MBNL2: variants seen among roughly 807,000 people sequenced by gnomAD.
MBNL2 encodes muscleblind-like protein 2.
MBNL2 carries 17 observed loss-of-function variants against 41.9 expected under a neutral mutation model. That is an observed-to-expected ratio of 0.41 (90% CI 0.28 to 0.61). The LOEUF (loss-of-function observed/expected upper bound fraction) is 0.61, where lower values mean the gene tolerates loss of function less well. MBNL2 is among the 20% of genes least tolerant of loss of function. The pLI is 0.35. For missense variants in MBNL2, 336 were observed against 505.6 expected (o/e 0.66, Z 3.22); for synonymous variants, 195 against 182.9 (o/e 1.07, Z -0.53).
At chr13:97,162,293 C>G in the MBNL2 span, among the ~76,000 whole-genome samples, 1 of 151,954 alleles carries the variant, frequency 6.6e-6, no homozygotes, top group African/African-American at 2.4e-5. Flanking sequence ...CAACATCCAA[C>G]TAAGATCTAC....
intron 2 of MBNL2, among the ~76,000 whole-genome samples, chr13:97,289,705 C>G (rs1367332174): frequency 6.6e-6 from 1 of 152,188 alleles, no homozygotes; most frequent in African/African-American, 2.4e-5. Context: ...AGGCGAGGAC[C>G]TTGCTTTCGT....
At chr13:97,200,456 A>G in the MBNL2 span, among the ~76,000 whole-genome samples, 3 of 152,238 alleles carry the variant, frequency 2.0e-5, no homozygotes, top group East Asian at 5.8e-4. Context: ...GGAGAAACAT[A>G]GTTCCGGCTT....
intron 8 of MBNL2, among the ~76,000 whole-genome samples, chr13:97,376,739 C>T (rs1010634441): frequency 6.6e-6 from 1 of 152,108 alleles, no homozygotes; most frequent in African/African-American, 2.4e-5. Context: ...GACTTGAGAC[C>T]AGCATCAATT....
chr13:97,198,225 C>G, the MBNL2 span, among the ~76,000 whole-genome samples: 1 of 152,062 alleles, frequency 6.6e-6, no homozygotes, highest in East Asian at 1.9e-4. Context: ...GAGCAAAAGT[C>G]TCATCCTCCC....
In MBNL2 at chr13:97,393,363, T is replaced by C. The variant is rs1186518126; in HGVS notation, c.*1914T>C. On this transcript the variant is annotated 3_prime_UTR_variant, in exon 9 of 9. Transcript: ENST00000679496. Reference sequence around the variant, plus strand: ...ATTATGGGAATCACTGAAATATTTTTGTAGATTAATTGTTGTAACATTGTC... The same window carrying C: ...ATTATGGGAATCACTGAAATATTTTCGTAGATTAATTGTTGTAACATTGTC... The C allele has an allele frequency of 6.6e-6, 1 of 152,380 alleles. No homozygotes were observed. Among genetic ancestry groups the C allele is most frequent in the Non-Finnish European group, 1.5e-5 (1 of 67,950 alleles). The allele number at this position is 152,380 out of a possible 1,614,324, so 9.4% of individuals were successfully genotyped here. A position where few individuals can be genotyped will look rare whatever the true frequency, so the allele number is the denominator to read the frequency against.
At chr13:97,184,926 A>G in the MBNL2 span, among the ~76,000 whole-genome samples, 1 of 152,310 alleles carries the variant, frequency 6.6e-6, no homozygotes, top group South Asian at 2.1e-4. Flanking sequence ...TTACTGTAGA[A>G]TGCTTGAGAA....
intron 2 of MBNL2, among the ~76,000 whole-genome samples, chr13:97,294,307 G>C (rs2056679994): frequency 6.6e-6 from 1 of 152,114 alleles, no homozygotes; most frequent in African/African-American, 2.4e-5. Flanking sequence ...ACATGGAAAT[G>C]TAACACTCAG....
chr13:97,279,288 T>C (rs1259661833), intron 2 of MBNL2, among the ~76,000 whole-genome samples: 1 of 152,198 alleles, frequency 6.6e-6, no homozygotes, highest in Non-Finnish European at 1.5e-5. Context: ...GCTTCATTAC[T>C]TGGGACGAGT....
chr13:97,390,890 G>T (rs1488330811), intron 8 of MBNL2, among the ~76,000 whole-genome samples: 1 of 152,082 alleles, frequency 6.6e-6, no homozygotes, highest in Non-Finnish European at 1.5e-5. Flanking sequence ...TATAGATTTT[G>T]AAATATTTAT....
rs1055696084 is a variant in MBNL2 at position 97,346,145 on chromosome 13, A to C, written c.541-659A>C. Among the ~76,000 whole-genome samples, 1 of 152,132 alleles carries C rather than the reference A, an allele frequency of 6.6e-6. No homozygotes were observed. The highest frequency in any genetic ancestry group is 2.4e-5 in the African/African-American group (1 of 41,420). On this transcript the variant is annotated intron_variant, in intron 4 of 8. Transcript: ENST00000679496. This position sits in a 1 kb window ranked among gnomAD's most constrained non-coding sequence, Gnocchi z 4.2. The stretch of plus-strand genomic sequence containing the variant: ...TGGCTGGCTGGATGGACGGATAGAT[A>C]GATGGTAGGTAGGTAGATAGATGAT...
chr13:97,350,828 A>C (rs927391037), intron 5 of MBNL2, among the ~76,000 whole-genome samples: 4 of 152,170 alleles, frequency 2.6e-5, no homozygotes, highest in African/African-American at 9.7e-5. Flanking sequence ...GAACCCCTCA[A>C]AGTCATCCAT....
chr13:97,287,353 C>T (rs967885222), intron 2 of MBNL2, among the ~76,000 whole-genome samples: 5 of 152,094 alleles, frequency 3.3e-5, no homozygotes, highest in African/African-American at 7.2e-5. Flanking sequence ...CACTGAAATA[C>T]GTTTTTCTCA....
chr13:97,149,923 A>G, the MBNL2 span, among the ~76,000 whole-genome samples: 585 of 152,290 alleles, frequency 3.8e-3, 6 homozygotes, highest in African/African-American at 0.014. Context: ...AATCCATTGA[A>G]TGATTGGCCT....
intron 8 of MBNL2, among the ~76,000 whole-genome samples, chr13:97,370,676 A>AG (rs1555320977): frequency 2.6e-4 from 39 of 151,668 alleles, no homozygotes; most frequent in African/African-American, 8.5e-4. Context: ...TCAAAAAAAA[A>AG]AAAGAAAGAA....
At chr13:97,199,213 C>T in the MBNL2 span, among the ~76,000 whole-genome samples, 1 of 152,206 alleles carries the variant, frequency 6.6e-6, no homozygotes, top group Middle Eastern at 3.2e-3. Flanking sequence ...AACTGGCTCC[C>T]TTACATCGTT....
intron 8 of MBNL2, among the ~76,000 whole-genome samples, chr13:97,378,045 C>CA (rs1351537109): frequency 1.4e-4 from 20 of 147,450 alleles, no homozygotes; most frequent in African/African-American, 4.5e-4. Context: ...CATTTACTCT[C>CA]AGCACACTGA....
At chr13:97,323,630 G>A (rs1264350025) in intron 2 of MBNL2, among the ~76,000 whole-genome samples, 1 of 152,194 alleles carries the variant, frequency 6.6e-6, no homozygotes, top group East Asian at 1.9e-4. Context: ...TTTGGTATCT[G>A]TGGGAGGTCC....
intron 2 of MBNL2, among the ~76,000 whole-genome samples, chr13:97,310,366 G>C (rs1046646665): frequency 4.0e-5 from 6 of 151,542 alleles, no homozygotes; most frequent in African/African-American, 7.3e-5. Context: ...ATAAATACAT[G>C]TTTGTATATA....
chr13:97,230,603 T>C (rs2042247757), intron 1 of MBNL2, among the ~76,000 whole-genome samples: 1 of 152,114 alleles, frequency 6.6e-6, no homozygotes, highest in Admixed American at 6.5e-5. Flanking sequence ...TTGGGGAACA[T>C]GGCAAGGGCC....
Sources: gnomAD v4.1 joint callset for allele counts (sites outside exome capture counted in the v4.1 genomes callset) on GRCh38, gnomAD v4.1.1 for gene constraint, Gnocchi (gnomAD v3.1) non-coding constraint, MANE v1.5 for transcripts, NCBI Gene and HGNC (gene_info 2026-07-23, HGNC 2026-07-21) for gene names.